Variants in UNC5D observed in about 807,000 individuals in gnomAD.
The protein encoded by UNC5D is netrin receptor UNC5D.
A neutral mutation model predicts 105.4 loss-of-function variants in UNC5D; 39 were observed. That is an observed-to-expected ratio of 0.37 (90% CI 0.29 to 0.48). The LOEUF (loss-of-function observed/expected upper bound fraction) is 0.48, where lower values mean the gene tolerates loss of function less well. UNC5D is among the 20% of genes least tolerant of loss of function. The probability of loss-of-function intolerance (pLI) is 0.98; values close to 1 mark genes in which losing one functional copy is unlikely to be tolerated. For missense variants in UNC5D, 991 were observed against 1,202.4 expected (o/e 0.82, Z 2.60); for synonymous variants, 452 against 450.4 (o/e 1.00, Z -0.04).
chr8:35,667,550 TAAAA>T (rs1824507827), intron 4 of UNC5D, among the ~76,000 whole-genome samples: 1 of 152,166 alleles, frequency 6.6e-6, no homozygotes, highest in Non-Finnish European at 1.5e-5. Context: ...ATTCTACCTG[TAAAA>T]CAGAGAGCCA....
At chr8:35,506,386 T>C (rs1563482143) in intron 1 of UNC5D, among the ~76,000 whole-genome samples, 1 of 152,212 alleles carries the variant, frequency 6.6e-6, no homozygotes, top group Non-Finnish European at 1.5e-5. Flanking sequence ...GCCTATTACT[T>C]GTATGGCAAA....
intron 1 of UNC5D, among the ~76,000 whole-genome samples, chr8:35,508,781 G>A (rs1030403582): frequency 6.6e-6 from 1 of 152,154 alleles, no homozygotes; most frequent in Non-Finnish European, 1.5e-5. Flanking sequence ...TGATAAGCTC[G>A]GCAGAGCTGA....
In UNC5D at chr8:35,690,449, C is replaced by G. The variant is rs987711811; in HGVS notation, c.1084+3740C>G. ...TTCAAGACCAGCCTGGGCAACATAG[C>G]AAGACCCTGTCTCTACAAAAAATAA... On this transcript the variant is annotated intron_variant, in intron 7 of 16. Transcript: ENST00000404895. Among the ~76,000 whole-genome samples, 5 of 151,966 alleles carry G rather than the reference C, an allele frequency of 3.3e-5. No homozygotes were observed. In the South Asian group the frequency reaches 1.0e-3, roughly 32 times the overall value.
chr8:35,551,954 A>G (rs1039261941), intron 2 of UNC5D, among the ~76,000 whole-genome samples: 6 of 152,228 alleles, frequency 3.9e-5, no homozygotes, highest in Non-Finnish European at 5.9e-5. Context: ...GCGAAGGACT[A>G]AACATCTTAT....
At chr8:35,724,200 T>C (rs1451790139) in intron 9 of UNC5D, 1 of 1,508,436 alleles carries the variant, frequency 6.6e-7, no homozygotes, top group African/African-American at 1.4e-5. Flanking sequence ...TCTAAGACAA[T>C]ATTAGTCTTA....
At chr8:35,274,310 G>A (rs1805622770) in intron 1 of UNC5D, among the ~76,000 whole-genome samples, 1 of 152,212 alleles carries the variant, frequency 6.6e-6, no homozygotes, top group Non-Finnish European at 1.5e-5. Flanking sequence ...CAAATCTCTA[G>A]AGAAGGATTT....
At chr8:35,418,439 T>A (rs949779460) in intron 1 of UNC5D, among the ~76,000 whole-genome samples, 1 of 152,216 alleles carries the variant, frequency 6.6e-6, no homozygotes, top group African/African-American at 2.4e-5. Flanking sequence ...TTAATCCAAG[T>A]GCACATTAGT....
At chr8:35,676,080 A>G (rs1049895637) in intron 4 of UNC5D, among the ~76,000 whole-genome samples, 8 of 152,022 alleles carry the variant, frequency 5.3e-5, no homozygotes, top group Admixed American at 3.9e-4. Context: ...CATGCTGCCT[A>G]TTGGTGAGAA....
intron 16 of UNC5D, among the ~76,000 whole-genome samples, chr8:35,776,839 C>T (rs1375037099): frequency 1.3e-5 from 2 of 152,232 alleles, no homozygotes; most frequent in East Asian, 1.9e-4. Flanking sequence ...TTATATAGCC[C>T]GGCTCACATC....
intron 1 of UNC5D, among the ~76,000 whole-genome samples, chr8:35,264,360 T>TAATAGGACATAGAG (rs58948480): frequency 0.82 from 123,888 of 151,382 alleles, 51,136 homozygotes; most frequent in East Asian, 1. Flanking sequence ...TTCAAGTATA[T>TAATAGGACATAGAG]AATAGGACAT....
chr8:35,716,848 AT>A lies in UNC5D; in HGVS notation c.1118-5361del, dbSNP rs1268144023. The stretch of plus-strand genomic sequence containing the variant: ...GATGCATCAAATTAAAGGAAAAAAA[AT>A]GTTTGCTTCTTGATGACAACATATA... On this transcript the variant is annotated intron_variant, in intron 8 of 16. Transcript: ENST00000404895. Among the ~76,000 whole-genome samples the A allele has an allele frequency of 4.6e-5, 7 of 152,326 alleles. No homozygotes were observed. The South Asian group carries it at 8.3e-4, about 18-fold the overall frequency.
intron 1 of UNC5D, among the ~76,000 whole-genome samples, chr8:35,310,426 C>T (rs1031657287): frequency 1.3e-5 from 2 of 152,042 alleles, no homozygotes; most frequent in African/African-American, 4.8e-5. Context: ...TCGAGATCAA[C>T]CTGGCCAACA....
Position 35,235,759 on chromosome 8 carries a change from C to G in UNC5D, c.-26C>G, listed in dbSNP as rs1563238631. 1 of 1,228,366 alleles carries G rather than the reference C, an allele frequency of 8.1e-7. No homozygotes were observed. Among genetic ancestry groups the G allele is most frequent in the East Asian group, 3.2e-5 (1 of 31,388 alleles). The allele number at this position is 1,228,366 out of a possible 1,614,324, so 76.1% of individuals were successfully genotyped here. A position where few individuals can be genotyped will look rare whatever the true frequency, so the allele number is the denominator to read the frequency against. On this transcript the variant is annotated 5_prime_UTR_variant, in exon 1 of 17. Transcript: ENST00000404895. ...CGGGCTCCCGGAGCGTGAAGAAGAG[C>G]CGCCCTCCGGAACGCGGCGAGGAGC...
chr8:35,470,349 C>T (rs1809612694), intron 1 of UNC5D, among the ~76,000 whole-genome samples: 1 of 152,030 alleles, frequency 6.6e-6, no homozygotes, highest in South Asian at 2.1e-4. Flanking sequence ...TTTATTGCGT[C>T]TCTTCTGCAG....
At chr8:35,525,665 G>T (rs1314310593) in intron 1 of UNC5D, 1 of 1,611,910 alleles carries the variant, frequency 6.2e-7, no homozygotes, top group African/African-American at 1.3e-5. Context: ...TGGATTGGTA[G>T]TCAAAGGCTA....
At chr8:35,574,429 TG>T (rs1294918422) in intron 3 of UNC5D, among the ~76,000 whole-genome samples, 1 of 152,222 alleles carries the variant, frequency 6.6e-6, no homozygotes, top group African/African-American at 2.4e-5. Flanking sequence ...AATATGCTGC[TG>T]ATTTAAGACA....
chr8:35,513,223 C>CT (rs35988823), intron 1 of UNC5D, among the ~76,000 whole-genome samples: 25,813 of 134,070 alleles, frequency 0.19, 3,284 homozygotes, highest in African/African-American at 0.37. Context: ...TTGGACCCTC[C>CT]TTTTTTTTTT....
In UNC5D at chr8:35,545,086, C is replaced by T. The variant is rs538046466; in HGVS notation, c.104-4206C>T. The stretch of plus-strand genomic sequence containing the variant: ...GCAGATGGCTGGATCAGTCACCAGC[C>T]ATTTGTCCTACCAGAATTTAAAACT... On this transcript the variant is annotated intron_variant, in intron 1 of 16. Coordinates refer to ENST00000404895, the MANE Select transcript of UNC5D (RefSeq NM_080872.4). 8.5e-5 allele frequency among the ~76,000 whole-genome samples: 13 copies of T among 152,252 alleles called. No individual in the cohort carries two copies. In the South Asian group the frequency reaches 2.7e-3, roughly 32 times the overall value.
intron 15 of UNC5D, 87 bp downstream of exon 15, chr8:35,767,153 G>T: frequency 7.0e-7 from 1 of 1,420,658 alleles, no homozygotes; most frequent in Non-Finnish European, 9.4e-7. Flanking sequence ...GTGCTATTCA[G>T]GTTCTGAAAG....
Sources: gnomAD v4.1 joint callset for allele counts (sites outside exome capture counted in the v4.1 genomes callset) on GRCh38, gnomAD v4.1.1 for gene constraint, MANE v1.5 for transcripts, NCBI Gene and HGNC (gene_info 2026-07-23, HGNC 2026-07-21) for gene names.